Variants in MXRA8 observed in about 807,000 individuals in gnomAD.
The protein encoded by MXRA8 is matrix remodeling-associated protein 8.
A neutral mutation model predicts 51.4 loss-of-function variants in MXRA8; 44 were observed. The observed-to-expected ratio is 0.86, with a 90% CI of 0.67 to 1.10. MXRA8 has a LOEUF of 1.10. MXRA8 is among the 50% of genes least tolerant of loss of function. The probability of loss-of-function intolerance (pLI) is 0.00; values close to 1 mark genes in which losing one functional copy is unlikely to be tolerated. For synonymous variants in MXRA8, 369 were observed against 293.5 expected, an observed-to-expected ratio of 1.26 and a Z score of -2.63; for missense variants, 765 against 638.9, an observed-to-expected ratio of 1.20 and a Z score of -2.13.
At chr1:1,359,206 G>A (rs1286518356), upstream of MXRA8, 2 of 985,286 alleles carry the variant, frequency 2.0e-6, no homozygotes, top group African/African-American at 1.7e-5. Context: ...GGGTGCTGGG[G>A]TGAGCAGACC....
At chr1:1,360,963 GACAC>G (rs374285307), upstream of MXRA8, among the ~76,000 whole-genome samples, 1 of 134,806 alleles carries the variant, frequency 7.4e-6, no homozygotes, top group South Asian at 2.6e-4. Context: ...AAGACACGGA[GACAC>G]ACAGAGATAC....
upstream of MXRA8, chr1:1,361,548 G>C: frequency 1.9e-6 from 1 of 518,180 alleles, no homozygotes; most frequent in Non-Finnish European, 3.5e-6. Flanking sequence ...CGCAGCCAGT[G>C]GCGGGGCTGC....
rs1381890880 is a variant in MXRA8, at chr1:1,355,628, C to T, written c.198G>A (p.Leu66=). 5 of 1,466,246 alleles carry T rather than the reference C, an allele frequency of 3.4e-6. No individual in the cohort carries two copies. The highest frequency in any genetic ancestry group is 1.5e-5 in the African/African-American group (1 of 68,016). The allele number at this position is 1,466,246 out of a possible 1,614,324, so 90.8% of individuals were successfully genotyped here. The part of the protein sequence containing the change: ...SPRMVWTQDR[L]HDRQRVLHWD... ...AGTGGAGCACGCGCTGGCGGTCGTGCAGCCGGTCCTGGGTCCACACCATGC... is the reference window on the plus strand; with the variant it reads ...AGTGGAGCACGCGCTGGCGGTCGTGTAGCCGGTCCTGGGTCCACACCATGC... The change falls in exon 3 of 10, where the codon CTG becomes CTA. Residue 66 remains leucine (L), a synonymous_variant. Coordinates refer to ENST00000309212, the MANE Select transcript of MXRA8 (RefSeq NM_032348.4).
At position 1,354,858 on chromosome 1, in the gene MXRA8, C is replaced by G; in HGVS notation, c.773G>C (p.Arg258Pro). 1 of 1,611,984 alleles carries G rather than the reference C, an allele frequency of 6.2e-7. No homozygotes were observed. The highest frequency in any genetic ancestry group is 1.7e-5 in the Admixed American group (1 of 59,980). Reference sequence around the variant, plus strand: ...GTCGGCGACCTCCAGCGGCTCGATACGCAGTGAGAAGTCACCGCGCTCAAA... The same window carrying G: ...GTCGGCGACCTCCAGCGGCTCGATAGGCAGTGAGAAGTCACCGCGCTCAAA... ...DAFERGDFSL[R>P]IEPLEVADEG... Residue 258 changes from arginine (R) to proline (P), a missense_variant, in exon 5 of 10, where the codon CGT becomes CCT. Physicochemically the swap from Arg to Pro is moderately radical, Grantham distance 103 (BLOSUM62 -2). Coordinates refer to ENST00000309212, the MANE Select transcript of MXRA8 (RefSeq NM_032348.4).
upstream of MXRA8, chr1:1,361,575 A>C (rs1296625712): frequency 8.4e-6 from 4 of 475,160 alleles, no homozygotes; most frequent in African/African-American, 2.0e-5. Context: ...TGGTCTTGGG[A>C]CGCCAGGGAC....
At chr1:1,356,778 A>G in intron 1 of MXRA8, 74 bp from the exon 2 acceptor site, 1 of 1,089,268 alleles carries the variant, frequency 9.2e-7, no homozygotes, top group Non-Finnish European at 1.1e-6. Flanking sequence ...CTTGGCCCCC[A>G]GAGTCCCTCC....
chr1:1,360,989 GACACATGCACACACGCGAAGACACAGAC>G (rs1184077316), upstream of MXRA8, among the ~76,000 whole-genome samples: 3 of 151,264 alleles, frequency 2.0e-5, no homozygotes, highest in African/African-American at 7.3e-5. Context: ...CGGAAACACA[GACACATGCACACACGCGAAGACACAGAC>G]ACATACACAT....
At chr1:1,361,085 C>G (rs1404511244), upstream of MXRA8, among the ~76,000 whole-genome samples, 1 of 151,404 alleles carries the variant, frequency 6.6e-6, no homozygotes, top group South Asian at 2.1e-4. Context: ...CAGACATGCG[C>G]ACACACGACA....
upstream of MXRA8, among the ~76,000 whole-genome samples, chr1:1,360,143 C>G (rs1644202670): frequency 6.6e-6 from 1 of 152,232 alleles, no homozygotes; most frequent in African/African-American, 2.4e-5. Context: ...GCACGACAGC[C>G]TCAGGCCAGG....
intron 2 of MXRA8, among the ~76,000 whole-genome samples, chr1:1,356,255 A>G (rs1644128514): frequency 1.6e-5 from 1 of 63,516 alleles, no homozygotes; most frequent in Admixed American, 2.1e-4. Flanking sequence ...GGGGAGGGCA[A>G]GTCAGTCGGG....
At chr1:1,354,642 G>A (rs1644080394) in intron 5 of MXRA8, 40 bp downstream of exon 5, 1 of 1,537,780 alleles carries the variant, frequency 6.5e-7, no homozygotes. Flanking sequence ...CCGGTGGGGT[G>A]GGCTCCCGCC....
At chr1:1,355,917 A>C in intron 2 of MXRA8, among the ~76,000 whole-genome samples, 165 bp from the exon 3 acceptor site, 1 of 92,442 alleles carries the variant, frequency 1.1e-5, no homozygotes, top group Non-Finnish European at 2.1e-5. Context: ...GGGGTGGGGC[A>C]GACCCCCGAG....
In MXRA8 at chr1:1,355,114, C is replaced by G. The variant is rs1270687049; in HGVS notation, c.517G>C (p.Val173Leu). 1.3e-6 allele frequency: 2 copies of G among 1,517,294 alleles called. No homozygotes were observed. Among genetic ancestry groups the G allele is most frequent in the Non-Finnish European group, 8.7e-7 (1 of 1,145,690 alleles). 94.0% of individuals were successfully genotyped at this position (1,517,294 alleles called of 1,614,324 possible). A position where few individuals can be genotyped will look rare whatever the true frequency, so the allele number is the denominator to read the frequency against. Residue 173 changes from valine (V) to leucine (L), a missense_variant, in exon 5 of 10, where the codon GTG becomes CTG. By Grantham distance (32) the Val-to-Leu change is conservative. Coordinates refer to ENST00000309212, the MANE Select transcript of MXRA8 (RefSeq NM_032348.4). Reference sequence around the variant, plus strand: ...GGTGCGCCGCGCGCCACCGCCAGCACCTCCTTCTCGCCGTCCCAGTAGGCG... The same window carrying G: ...GGTGCGCCGCGCGCCACCGCCAGCAGCTCCTTCTCGCCGTCCCAGTAGGCG... ...TPAYWDGEKE[V>L]LAVARGAPAL...
upstream of MXRA8, among the ~76,000 whole-genome samples, chr1:1,362,138 C>T (rs1569819894): frequency 1.3e-5 from 2 of 152,184 alleles, no homozygotes; most frequent in Admixed American, 1.3e-4. Flanking sequence ...GGTCCCTCCT[C>T]CTGCAGCCCC....
Position 1,353,854 on chromosome 1 carries a change from C to T in MXRA8, c.1297G>A (p.Asp433Asn), listed in dbSNP as rs770604958. The change falls in exon 9 of 10, where the codon GAC becomes AAC. Residue 433 changes from aspartate to asparagine, a missense_variant. Transcript: ENST00000309212. ...SPLPAKYIDL[D>N]KGFRKENCK is the part of the protein sequence containing the mutation. ...GGTCGCCCCCGCCGCTCACCTTTGT[C>T]TAGGTCGATGTACTTGGCAGGCAGG... 7 of 1,596,968 alleles carry T rather than the reference C, an allele frequency of 4.4e-6. No individual in the cohort carries two copies. The East Asian group carries it at 1.1e-4, about 25-fold the overall frequency.
At chr1:1,361,624 A>G (rs573846506), upstream of MXRA8, 68 of 393,344 alleles carry the variant, frequency 1.7e-4, no homozygotes, top group African/African-American at 1.4e-3. Flanking sequence ...TGACACCAAC[A>G]CAGACAGGGT....
upstream of MXRA8, chr1:1,359,374 G>T: frequency 1.0e-6 from 1 of 985,436 alleles, no homozygotes; most frequent in Non-Finnish European, 1.2e-6. Context: ...AACTTACAAA[G>T]TCACATAAAC....
Position 1,353,485 on chromosome 1 carries a change from T to G in MXRA8, c.*119A>C. 2 of 1,505,062 alleles carry G rather than the reference T, an allele frequency of 1.3e-6. No individual in the cohort carries two copies. Among genetic ancestry groups the G allele is most frequent in the East Asian group, 5.0e-5 (2 of 40,294 alleles). 93.2% of individuals were successfully genotyped at this position (1,505,062 alleles called of 1,614,324 possible). ...GCCTCTGCATACGCCCAGGCCAAATTCCAGGAAAGCGGGACCAGCCGCTGG... is the reference window on the plus strand; with the variant it reads ...GCCTCTGCATACGCCCAGGCCAAATGCCAGGAAAGCGGGACCAGCCGCTGG... On this transcript the variant is annotated 3_prime_UTR_variant, in exon 10 of 10. Coordinates refer to ENST00000309212, the MANE Select transcript of MXRA8 (RefSeq NM_032348.4).
At chr1:1,361,373 A>G (rs777854843), upstream of MXRA8, 75 of 697,814 alleles carry the variant, frequency 1.1e-4, no homozygotes, top group Non-Finnish European at 1.6e-4. Flanking sequence ...GGTGCCAGCC[A>G]TGGCCCTCTT....
Sources: gnomAD v4.1 joint callset for allele counts (sites outside exome capture counted in the v4.1 genomes callset) on GRCh38, gnomAD v4.1.1 for gene constraint, MANE v1.5 for transcripts, NCBI Gene and HGNC (gene_info 2026-07-23, HGNC 2026-07-21) for gene names.